The following ADARB2 variants were observed in gnomAD, a reference collection of about 807,000 sequenced individuals.
The protein encoded by ADARB2 is adenosine deaminase RNA specific B2 (inactive), also known as inactive double-stranded RNA-specific editase B2.
In ADARB2, 25 loss-of-function variants were observed where a neutral mutation model predicts 62.2. The ratio of observed to expected loss-of-function variants is 0.40; its 90% CI spans 0.29 to 0.56. ADARB2 has a LOEUF of 0.56. ADARB2 is among the 20% of genes least tolerant of loss of function. The probability of loss-of-function intolerance (pLI) is 0.43; values close to 1 mark genes in which losing one functional copy is unlikely to be tolerated. For missense variants in ADARB2, 1,071 were observed against 1,077.4 expected (o/e 0.99, Z 0.08); for synonymous variants, 572 against 500.8 (o/e 1.14, Z -1.90).
intron 1 of ADARB2, among the ~76,000 whole-genome samples, chr10:1,635,586 G>A (rs954795828): frequency 1.2e-4 from 19 of 152,128 alleles, no homozygotes; most frequent in Non-Finnish European, 1.6e-4. Flanking sequence ...CGCCCACTCT[G>A]AGCTTCCCTC....
chr10:1,689,308 G>A (rs1418278459), intron 1 of ADARB2, among the ~76,000 whole-genome samples: 1 of 152,202 alleles, frequency 6.6e-6, no homozygotes, highest in Non-Finnish European at 1.5e-5. Context: ...GATTGTAGGT[G>A]AGTTACCTGC....
intron 1 of ADARB2, among the ~76,000 whole-genome samples, chr10:1,582,955 A>T (rs1833125755): frequency 6.6e-6 from 1 of 152,182 alleles, no homozygotes; most frequent in Non-Finnish European, 1.5e-5. Context: ...TGTCTTGGAA[A>T]GCCCTCCCTG....
chr10:1,615,533 C>T (rs1006747994), intron 1 of ADARB2, among the ~76,000 whole-genome samples: 2 of 152,188 alleles, frequency 1.3e-5, no homozygotes, highest in African/African-American at 4.8e-5. Flanking sequence ...TACACCAAGT[C>T]CGATGCATGC....
At chr10:1,332,431 AT>A (rs760720859) in intron 3 of ADARB2, among the ~76,000 whole-genome samples, 6 of 150,508 alleles carry the variant, frequency 4.0e-5, no homozygotes, top group African/African-American at 1.2e-4. Flanking sequence ...AAAAAAAAAA[AT>A]AAATAAAAAA....
intron 1 of ADARB2, chr10:1,676,039 C>T: frequency 2.0e-6 from 2 of 985,412 alleles, no homozygotes; most frequent in Non-Finnish European, 2.4e-6. Context: ...GCGTTTCTAA[C>T]TCTTGACCTG....
At chr10:1,697,218 C>A (rs1054465894) in intron 1 of ADARB2, among the ~76,000 whole-genome samples, 1 of 152,180 alleles carries the variant, frequency 6.6e-6, no homozygotes, top group African/African-American at 2.4e-5. Flanking sequence ...TAAACACACA[C>A]ATTCCCCACA....
In ADARB2 at chr10:1,573,369, G is replaced by C. The variant is rs537585143; in HGVS notation, c.100+163682C>G. 6.6e-5 allele frequency among the ~76,000 whole-genome samples: 10 copies of C among 152,298 alleles called. No homozygotes were observed. In the South Asian group the frequency reaches 2.1e-3, roughly 32 times the overall value. On this transcript the variant is annotated intron_variant, in intron 1 of 9. Coordinates refer to ENST00000381312, the MANE Select transcript of ADARB2 (RefSeq NM_018702.4). ...TCAATGGCTGCTGCCTGGGATAAAA[G>C]GGCCTTCCCCCATTTCTCCTCATGT...
intron 1 of ADARB2, among the ~76,000 whole-genome samples, chr10:1,610,945 G>A (rs1409767534): frequency 6.6e-6 from 1 of 152,124 alleles, no homozygotes; most frequent in African/African-American, 2.4e-5. Flanking sequence ...TTTAACTCAT[G>A]AATTTTGGGG....
chr10:1,338,546 A>G (rs553893045), intron 3 of ADARB2, among the ~76,000 whole-genome samples: 1 of 152,350 alleles, frequency 6.6e-6, no homozygotes, highest in Non-Finnish European at 1.5e-5. Context: ...AGAATGACGC[A>G]GGGTTTTAAA....
intron 1 of ADARB2, among the ~76,000 whole-genome samples, chr10:1,702,521 C>G (rs188188540): frequency 6.6e-5 from 10 of 152,362 alleles, no homozygotes; most frequent in African/African-American, 2.4e-4. Flanking sequence ...CCATGTCCAT[C>G]ACTCTCTTCC....
At chr10:1,585,410 C>T (rs1024773915) in intron 1 of ADARB2, among the ~76,000 whole-genome samples, 1 of 152,176 alleles carries the variant, frequency 6.6e-6, no homozygotes, top group Non-Finnish European at 1.5e-5. Flanking sequence ...ACATGCTTCC[C>T]TCGTGATTTG....
At chr10:1,470,123 C>G (rs1831302374) in intron 1 of ADARB2, among the ~76,000 whole-genome samples, 1 of 152,218 alleles carries the variant, frequency 6.6e-6, no homozygotes, top group Non-Finnish European at 1.5e-5. Flanking sequence ...TGACCCTCTC[C>G]CAGCTGCGTC....
chr10:1,453,406 G>C (rs765779237), intron 1 of ADARB2, among the ~76,000 whole-genome samples: 6 of 152,136 alleles, frequency 3.9e-5, no homozygotes, highest in Non-Finnish European at 7.4e-5. Context: ...CTTACATTTA[G>C]ATCTTTGATC....
chr10:1,323,684 A>C lies in ADARB2; in HGVS notation c.1077+39344T>G, dbSNP rs866026344. Among the ~76,000 whole-genome samples, 10 of 152,318 alleles carry C rather than the reference A, an allele frequency of 6.6e-5. No individual in the cohort carries two copies. In the Middle Eastern group the frequency reaches 0.01, roughly 155 times the overall value. On this transcript the variant is annotated intron_variant, in intron 3 of 9. Transcript: ENST00000381312. The stretch of plus-strand genomic sequence containing the variant: ...TAAAGGTACAAAGGTAATTCAGTGG[A>C]GGAAACACAGCCTTAAAAAAAAAAG...
intron 1 of ADARB2, among the ~76,000 whole-genome samples, chr10:1,696,628 G>A (rs1039510753): frequency 6.6e-5 from 10 of 152,284 alleles, no homozygotes; most frequent in African/African-American, 2.2e-4. Context: ...AGTGTCCAGC[G>A]GACCTGCCCA....
intron 1 of ADARB2, among the ~76,000 whole-genome samples, chr10:1,560,327 A>G (rs145635086): frequency 3.9e-4 from 59 of 152,358 alleles, no homozygotes; most frequent in African/African-American, 1.4e-3. Flanking sequence ...TTTTAGTAAA[A>G]AGCAGCAAGA....
chr10:1,646,428 A>T (rs1030796842), intron 1 of ADARB2, among the ~76,000 whole-genome samples: 2 of 152,254 alleles, frequency 1.3e-5, no homozygotes, highest in Non-Finnish European at 1.5e-5. Flanking sequence ...CAGTGGTCTC[A>T]TTGAATAGGA....
chr10:1,260,966 T>C (rs1831130965), intron 4 of ADARB2, among the ~76,000 whole-genome samples: 1 of 122,724 alleles, frequency 8.1e-6, no homozygotes, highest in Admixed American at 8.9e-5. Flanking sequence ...TATAGATCAA[T>C]GGAACAGAAC....
chr10:1,735,122 C>T lies in ADARB2; in HGVS notation c.100+1929G>A, dbSNP rs183723410. Among the ~76,000 whole-genome samples the T allele has an allele frequency of 1.1e-4, 16 of 152,298 alleles. No individual in the cohort carries two copies. In the East Asian group the frequency reaches 3.1e-3, roughly 29 times the overall value. ...CGGCAGGTGCCCTGGGAAATTCTCC[C>T]GCACGCCAGAAATCTCTTCGTAACA... On this transcript the variant is annotated intron_variant, in intron 1 of 9. Transcript: ENST00000381312.
Sources: allele counts gnomAD v4.1 joint callset (sites outside exome capture counted in the v4.1 genomes callset), GRCh38; gene constraint gnomAD v4.1.1; transcripts MANE v1.5; gene names NCBI Gene and HGNC (gene_info 2026-07-23, HGNC 2026-07-21).